The following INSC variants were observed in gnomAD, a reference collection of about 807,000 sequenced individuals.
INSC encodes protein inscuteable homolog.
Under a neutral mutation model 58.6 loss-of-function variants are expected in INSC, and 67 were observed. The ratio of observed to expected loss-of-function variants is 1.14; its 90% confidence interval spans 0.94 to 1.40. INSC has a LOEUF of 1.40. Ranked by LOEUF, INSC falls within the 40% of genes most tolerant of loss-of-function variation. The pLI is 0.00. For synonymous variants in INSC, 262 were observed against 276.1 expected (o/e 0.95, Z 0.51); for missense variants, 714 against 692.0 (o/e 1.03, Z -0.36).
chr11:15,111,748 A>G (rs12295014), upstream of INSC, among the ~76,000 whole-genome samples: 568 of 152,264 alleles, frequency 3.7e-3, 9 homozygotes, highest in African/African-American at 0.013. Context: ...GGGGATAATA[A>G]TAACTTTTAT....
the INSC span, among the ~76,000 whole-genome samples, chr11:15,268,195 G>A: frequency 6.6e-6 from 1 of 151,980 alleles, no homozygotes; most frequent in Non-Finnish European, 1.5e-5. Context: ...CAATTGATTT[G>A]TATATTTTTC....
intron 9 of INSC, among the ~76,000 whole-genome samples, chr11:15,230,695 A>G (rs1385435967): frequency 6.6e-6 from 1 of 152,184 alleles, no homozygotes; most frequent in Non-Finnish European, 1.5e-5. Flanking sequence ...AAGCACAGAG[A>G]ATATGGTCTG....
Position 15,175,808 on chromosome 11 carries a change from G to A in INSC, c.124G>A (p.Glu42Lys), listed in dbSNP as rs201429164. ...MEDLKLMTEC[E>K]CMCVLQAKPI... ...AGATCTGAAGCTCATGACCGAGTGCGAGTGCATGTGTGTCCTGCAGGCCAA... is the reference window on the plus strand; with the variant it reads ...AGATCTGAAGCTCATGACCGAGTGCAAGTGCATGTGTGTCCTGCAGGCCAA... Residue 42 changes from glutamate to lysine, a missense_variant, in exon 3 of 13, where the codon GAG (glutamate) becomes AAG (lysine). Coordinates refer to ENST00000379556, the MANE Select transcript of INSC (RefSeq NM_001042536.3). 358 of 1,605,886 alleles carry A rather than the reference G, an allele frequency of 2.2e-4. No individual in the cohort carries two copies. The highest frequency in any genetic ancestry group is 2.8e-4 in the Non-Finnish European group (330 of 1,173,472).
At chr11:15,148,210 G>A (rs765696591) in intron 1 of INSC, among the ~76,000 whole-genome samples, 7 of 152,296 alleles carry the variant, frequency 4.6e-5, no homozygotes, top group Non-Finnish European at 7.4e-5. Flanking sequence ...GCTTTTGGCT[G>A]TGTAGAATAA....
rs114004819 is a variant in INSC at position 15,130,038 on chromosome 11, A to G, written c.-46+15035A>G. Among the ~76,000 whole-genome samples, 1,176 of 152,342 alleles carry G rather than the reference A, an allele frequency of 7.7e-3. 15 individuals carry two copies. Among genetic ancestry groups the G allele is most frequent in the African/African-American group, 0.027 (1,124 of 41,566 alleles). On this transcript the variant is annotated intron_variant, in intron 1 of 12. Coordinates refer to ENST00000379556, the MANE Select transcript of INSC (RefSeq NM_001042536.3). ...GTGGCTGCCTGTGGAAAACCACGTC[A>G]GCTGCAAATAATGACAGTTTTCTTT...
At chr11:15,177,213 A>G in intron 4 of INSC, 50 bp downstream of exon 4, 1 of 1,456,506 alleles carries the variant, frequency 6.9e-7, no homozygotes, top group Non-Finnish European at 9.6e-7. Flanking sequence ...GACCTCTGGC[A>G]GGAGAAGGGG....
At chr11:15,183,374 G>GA (rs1472063256) in intron 5 of INSC, among the ~76,000 whole-genome samples, 1 of 143,984 alleles carries the variant, frequency 6.9e-6, no homozygotes, top group Non-Finnish European at 1.5e-5. Context: ...AAAAAAACCA[G>GA]AAAAAAATAA....
At chr11:15,116,537 G>A (rs1055444124) in intron 1 of INSC, among the ~76,000 whole-genome samples, 3 of 152,126 alleles carry the variant, frequency 2.0e-5, no homozygotes, top group Admixed American at 1.3e-4. Flanking sequence ...ACAGCGCTTG[G>A]AAGAGTAGGT....
the INSC span, among the ~76,000 whole-genome samples, chr11:15,269,439 C>T: frequency 2.4e-4 from 37 of 152,108 alleles, no homozygotes; most frequent in East Asian, 3.9e-4. Context: ...CTTTCAACTT[C>T]GCCATTTTCC....
intron 1 of INSC, among the ~76,000 whole-genome samples, chr11:15,130,428 T>A (rs1848098135): frequency 6.6e-6 from 1 of 152,228 alleles, no homozygotes. Context: ...ATTTTTAGGC[T>A]AGATCCAACT....
In INSC at chr11:15,235,668, G is replaced by A. The variant is rs776304641; in HGVS notation, c.1237G>A (p.Gly413Arg). 1 of 1,611,910 alleles carries A rather than the reference G, an allele frequency of 6.2e-7. No homozygotes were observed. Among genetic ancestry groups the A allele is most frequent in the Non-Finnish European group, 8.5e-7 (1 of 1,178,042 alleles). ...TGCCTCTGACATCATTCAGGAAAAT[G>A]GTATGTCTTTGCAGCATTGTACATG... ...QCASDIIQEN[G>R]VQLIMGMLSE... The change falls in exon 10 of 13, where the codon GGG becomes AGG. Residue 413 changes from glycine to arginine, a missense_variant and splice_region_variant. By Grantham distance (125) the Gly-to-Arg change is moderately radical (BLOSUM62 -2). Transcript: ENST00000379556.
chr11:15,267,329 T>C, the INSC span, among the ~76,000 whole-genome samples: 1 of 152,024 alleles, frequency 6.6e-6, no homozygotes, highest in Admixed American at 6.6e-5. Flanking sequence ...TATGTATTTC[T>C]GATTCACTCA....
At position 15,161,367 on chromosome 11, in the gene INSC, A is replaced by G. The variant is rs573423429; in HGVS notation, c.56+12137A>G. Reference sequence around the variant, plus strand: ...ACGTCAGAAAATGATATGGAACACCAAATGTTAAGTGAATAGGATGAAGAG... The same window carrying G: ...ACGTCAGAAAATGATATGGAACACCGAATGTTAAGTGAATAGGATGAAGAG... On this transcript the variant is annotated intron_variant, in intron 2 of 12. Transcript: ENST00000379556. Among the ~76,000 whole-genome samples, 358 of 152,354 alleles carry G rather than the reference A, an allele frequency of 2.3e-3. 3 individuals carry two copies. Among genetic ancestry groups the G allele is most frequent in the Non-Finnish European group, 4.3e-3 (291 of 68,026 alleles).
At chr11:15,253,611 C>G in the INSC span, among the ~76,000 whole-genome samples, 20 of 146,642 alleles carry the variant, frequency 1.4e-4, no homozygotes, top group South Asian at 3.9e-3. Flanking sequence ...ATGGAAAACT[C>G]AAGCCAAAGA....
intron 2 of INSC, among the ~76,000 whole-genome samples, chr11:15,150,623 G>A (rs1200636436): frequency 6.6e-6 from 1 of 152,164 alleles, no homozygotes; most frequent in Non-Finnish European, 1.5e-5. Flanking sequence ...GCTGTTCTAG[G>A]TGCAGATTCC....
chr11:15,265,871 T>A, the INSC span, among the ~76,000 whole-genome samples: 1 of 151,614 alleles, frequency 6.6e-6, no homozygotes, highest in East Asian at 1.9e-4. Flanking sequence ...TATCCTTCTA[T>A]TTTAGCATTT....
intron 4 of INSC, among the ~76,000 whole-genome samples, chr11:15,178,093 CCTTT>C (rs1170176232): frequency 5.3e-5 from 8 of 152,136 alleles, no homozygotes; most frequent in Non-Finnish European, 8.8e-5. Context: ...ATTCTGATGG[CCTTT>C]CTTCCTGTTG....
chr11:15,141,201 G>A (rs1486723675), intron 1 of INSC, among the ~76,000 whole-genome samples: 2 of 152,144 alleles, frequency 1.3e-5, no homozygotes, highest in Non-Finnish European at 2.9e-5. Context: ...CATTGCCCAG[G>A]AGCTGTAGTC....
intron 1 of INSC, among the ~76,000 whole-genome samples, chr11:15,136,283 T>A (rs1848243219): frequency 6.6e-6 from 1 of 152,210 alleles, no homozygotes; most frequent in Admixed American, 6.5e-5. Flanking sequence ...CTAATGATCA[T>A]CTGAAGCTTC....
Sources: gnomAD v4.1 joint callset for allele counts (sites outside exome capture counted in the v4.1 genomes callset) on GRCh38, gnomAD v4.1.1 for gene constraint, MANE v1.5 for transcripts, NCBI Gene and HGNC (gene_info 2026-07-23, HGNC 2026-07-21) for gene names.